POU6F1: variants seen among roughly 807,000 people sequenced by gnomAD.
POU6F1 encodes the protein POU class 6 homeobox 1.
A neutral mutation model predicts 28.9 loss-of-function variants in POU6F1; 9 were observed. The ratio of observed to expected loss-of-function variants is 0.31; its 90% CI spans 0.19 to 0.54. The LOEUF (loss-of-function observed/expected upper bound fraction) is 0.54, where lower values mean the gene tolerates loss of function less well. Ranked by LOEUF, POU6F1 falls within the 20% of genes least tolerant of loss-of-function variation. POU6F1 has a pLI of 0.94. For missense variants in POU6F1, 338 were observed against 426.1 expected, an observed-to-expected ratio of 0.79 and a Z score of 1.82; for synonymous variants, 173 against 171.1, an observed-to-expected ratio of 1.01 and a Z score of -0.09.
chr12:51,192,542 C>T, intron 8 of POU6F1, 71 bp from the exon 9 acceptor site: 2 of 1,561,854 alleles, frequency 1.3e-6, no homozygotes, highest in South Asian at 1.2e-5. Context: ...CCTGGGTGGA[C>T]CAGAGGCAGG....
chr12:51,202,660 C>T (rs1185829650), intron 3 of POU6F1: 3 of 152,146 alleles, frequency 2.0e-5, no homozygotes, highest in Non-Finnish European at 4.4e-5. Context: ...CTATCACACA[C>T]AGAATTTTTT....
rs2137082402 is a variant in POU6F1 at position 51,189,848 on chromosome 12, GA to G, written c.*398del. The G allele has an allele frequency of 4.6e-6, 1 of 217,588 alleles. No individual in the cohort carries two copies. Among genetic ancestry groups the G allele is most frequent in the South Asian group, 8.3e-5 (1 of 11,990 alleles). 13.5% of individuals were successfully genotyped at this position (217,588 alleles called of 1,614,324 possible). ...GAGGAGCAAAGGAGAAGACAAGGTG[GA>G]AAGAGAATGCCATCAAAAGCAAGAG... is the stretch of plus-strand genomic sequence containing the variant. On this transcript the variant is annotated 3_prime_UTR_variant, in exon 11 of 11. Coordinates refer to ENST00000333640, the MANE Select transcript of POU6F1 (RefSeq NM_001330422.2).
At chr12:51,202,911 C>A (rs552169603) in intron 3 of POU6F1, among the ~76,000 whole-genome samples, 1 of 152,100 alleles carries the variant, frequency 6.6e-6, no homozygotes, top group Non-Finnish European at 1.5e-5. Flanking sequence ...CCAATAGATT[C>A]TGTTTTCATC....
chr12:51,198,298 G>T, intron 5 of POU6F1: 2 of 396,510 alleles, frequency 5.0e-6, no homozygotes, highest in Middle Eastern at 6.3e-4. Flanking sequence ...GAGTTCTGGC[G>T]TGGGGGGAGA....
In POU6F1 at chr12:51,188,722, T is replaced by C. The variant is rs1362290193; in HGVS notation, c.*1525A>G. 1 of 152,256 alleles carries C rather than the reference T, an allele frequency of 6.6e-6. No individual in the cohort carries two copies. The highest frequency in any genetic ancestry group is 2.4e-5 in the African/African-American group (1 of 41,442). 9.4% of individuals were successfully genotyped at this position (152,256 alleles called of 1,614,324 possible). ...GTGGTGATGTGTCCCCAGCTGACGG[T>C]CCTTCCCTCAGGGTGGATCATGGGA... On this transcript the variant is annotated 3_prime_UTR_variant, in exon 11 of 11. Transcript: ENST00000333640.
chr12:51,206,706 A>T (rs1943652203), intron 2 of POU6F1, 83 bp downstream of exon 2: 1 of 398,450 alleles, frequency 2.5e-6, no homozygotes, highest in Non-Finnish European at 4.4e-6. Context: ...ACAGAGAGTG[A>T]AGGGCCCTGT....
chr12:51,196,714 T>A (rs1942851925), intron 7 of POU6F1, 85 bp downstream of exon 7: 2 of 1,506,190 alleles, frequency 1.3e-6, no homozygotes. Context: ...CGAGTTTCTA[T>A]GACCCACAGC....
chr12:51,199,678 C>T lies in POU6F1; in HGVS notation c.366+69G>A, dbSNP rs1320320627. The T allele has an allele frequency of 2.5e-6, 1 of 399,094 alleles. No homozygotes were observed. The highest frequency in any genetic ancestry group is 2.1e-5 in the African/African-American group (1 of 48,636). The allele number at this position is 399,094 out of a possible 1,614,324, so 24.7% of individuals were successfully genotyped here. On this transcript the variant is annotated intron_variant, in intron 4 of 10. Coordinates refer to ENST00000333640, the MANE Select transcript of POU6F1 (RefSeq NM_001330422.2). This position sits in a 1 kb window ranked among gnomAD's most constrained non-coding sequence, Gnocchi z 4.1. Reference sequence around the variant, plus strand: ...GAAGTTCCCAGATTCCATGGCTTCCCCATGCTGGCTGTCCCATGCCTCGCT... The same window carrying T: ...GAAGTTCCCAGATTCCATGGCTTCCTCATGCTGGCTGTCCCATGCCTCGCT...
At chr12:51,201,014 T>G (rs1943171995) in intron 3 of POU6F1, among the ~76,000 whole-genome samples, 1 of 152,184 alleles carries the variant, frequency 6.6e-6, no homozygotes, top group Non-Finnish European at 1.5e-5. Context: ...TTCTTAAAAC[T>G]GCTGGGCATA....
At position 51,204,267 on chromosome 12, in the gene POU6F1, G is replaced by T. The variant is rs771492989; in HGVS notation, c.150C>A (p.Ala50=). ...GGTCTCCGCTCTGGGAGCCCTCGGC[G>T]GCCACACCCTCCAGTCCTTTGCTCT... is the stretch of plus-strand genomic sequence containing the variant. ...EEESKGLEGV[A]AEGSQSGDPA... The change falls in exon 3 of 11, where the codon GCC becomes GCA. Residue 50 remains alanine (A), a synonymous_variant. Transcript: ENST00000333640. The T allele has an allele frequency of 5.0e-6, 2 of 398,968 alleles. No homozygotes were observed. Among genetic ancestry groups the T allele is most frequent in the Non-Finnish European group, 8.8e-6 (2 of 226,168 alleles). The allele number at this position is 398,968 out of a possible 1,614,324, so 24.7% of individuals were successfully genotyped here.
At chr12:51,194,982 T>G (rs1159088327) in intron 8 of POU6F1, among the ~76,000 whole-genome samples, 1 of 152,190 alleles carries the variant, frequency 6.6e-6, no homozygotes, top group Non-Finnish European at 1.5e-5. Flanking sequence ...ATCTACTGAA[T>G]AAGAAACTCT....
At chr12:51,195,316 T>C (rs1167381559) in intron 8 of POU6F1, among the ~76,000 whole-genome samples, 2 of 152,102 alleles carry the variant, frequency 1.3e-5, no homozygotes, top group East Asian at 1.9e-4. Context: ...TTTATGATAG[T>C]CCAATGTCCC....
intron 2 of POU6F1, among the ~76,000 whole-genome samples, chr12:51,206,331 A>G (rs1051902174): frequency 8.6e-5 from 13 of 151,020 alleles, no homozygotes; most frequent in African/African-American, 2.7e-4. Context: ...GCTGAGGCAG[A>G]AGAATGGTGT....
intron 1 of POU6F1, among the ~76,000 whole-genome samples, chr12:51,208,381 T>C (rs1425199110): frequency 1.3e-5 from 2 of 152,212 alleles, no homozygotes; most frequent in African/African-American, 4.8e-5. Flanking sequence ...TTGACATTTA[T>C]TTCGAGTGCA....
chr12:51,208,918 CAG>C (rs1448286789), intron 1 of POU6F1, among the ~76,000 whole-genome samples: 4 of 152,150 alleles, frequency 2.6e-5, no homozygotes, highest in Non-Finnish European at 5.9e-5. Context: ...GCCTGGGCAA[CAG>C]AGAGACCCCA....
At chr12:51,209,145 A>G (rs1020100548) in intron 1 of POU6F1, among the ~76,000 whole-genome samples, 2 of 152,188 alleles carry the variant, frequency 1.3e-5, no homozygotes, top group African/African-American at 4.8e-5. Context: ...TTCACATCCC[A>G]TACAATTAAC....
intron 1 of POU6F1, among the ~76,000 whole-genome samples, chr12:51,215,050 GC>G (rs1944209914): frequency 6.6e-6 from 1 of 152,186 alleles, no homozygotes; most frequent in Non-Finnish European, 1.5e-5. Context: ...GATCATGTCT[GC>G]TTATCATCAT....
chr12:51,193,902 T>C (rs1304036459), intron 8 of POU6F1, among the ~76,000 whole-genome samples: 1 of 151,740 alleles, frequency 6.6e-6, no homozygotes, highest in Non-Finnish European at 1.5e-5. Flanking sequence ...ATTCTACCCC[T>C]GGTACGTCTC....
intron 1 of POU6F1, among the ~76,000 whole-genome samples, chr12:51,209,818 G>GA (rs1943867518): frequency 6.6e-6 from 1 of 152,050 alleles, no homozygotes; most frequent in African/African-American, 2.4e-5. Flanking sequence ...CTAACAATTT[G>GA]AAAAAAGAGG....
Sources: gnomAD v4.1 joint callset for allele counts (sites outside exome capture counted in the v4.1 genomes callset) on GRCh38, gnomAD v4.1.1 for gene constraint, Gnocchi (gnomAD v3.1) non-coding constraint, MANE v1.5 for transcripts, NCBI Gene and HGNC (gene_info 2026-07-23, HGNC 2026-07-21) for gene names.